The following TENM4 variants were observed in gnomAD, a reference collection of about 807,000 sequenced individuals.
The protein encoded by TENM4 is teneurin-4.
A neutral mutation model predicts 243.3 loss-of-function variants in TENM4; 82 were observed. The observed-to-expected ratio is 0.34, with a 90% CI of 0.28 to 0.40. TENM4 has a LOEUF of 0.40. TENM4 is among the 10% of genes least tolerant of loss of function. The pLI is 1.00. For missense variants in TENM4, 3,138 were observed against 3,673.3 expected, an observed-to-expected ratio of 0.85 and a Z score of 3.77; for synonymous variants, 1,412 against 1,456.3, an observed-to-expected ratio of 0.97 and a Z score of 0.69.
chr11:79,060,161 G>C (rs1189982138), intron 6 of TENM4, among the ~76,000 whole-genome samples: 1 of 152,192 alleles, frequency 6.6e-6, no homozygotes, highest in Non-Finnish European at 1.5e-5. Flanking sequence ...ATTGCATGCC[G>C]ACTGTTCCTG....
At chr11:78,871,785 C>T (rs1433463257) in intron 9 of TENM4, among the ~76,000 whole-genome samples, 4 of 152,162 alleles carry the variant, frequency 2.6e-5, no homozygotes. Flanking sequence ...AAGCAGCCCT[C>T]CCTTTAGGGC....
intron 6 of TENM4, among the ~76,000 whole-genome samples, chr11:78,936,873 T>C (rs1856797502): frequency 6.6e-6 from 1 of 152,038 alleles, no homozygotes; most frequent in African/African-American, 2.4e-5. Context: ...AGCACATAGG[T>C]CAAAATCAAG....
At chr11:78,818,107 G>C in intron 12 of TENM4, among the ~76,000 whole-genome samples, 1 of 151,966 alleles carries the variant, frequency 6.6e-6, no homozygotes, top group South Asian at 2.1e-4. Context: ...ATAAATATTT[G>C]TTTCTACTCC....
At chr11:78,751,502 T>C (rs766493792) in intron 19 of TENM4, among the ~76,000 whole-genome samples, 11 of 152,116 alleles carry the variant, frequency 7.2e-5, no homozygotes, top group Non-Finnish European at 1.5e-4. Flanking sequence ...CAAATAATGA[T>C]TCAACAATCT....
chr11:78,672,274 T>C lies in TENM4; in HGVS notation c.5552A>G (p.Lys1851Arg). 6.2e-7 allele frequency: 1 copy of C among 1,614,006 alleles called. No individual in the cohort carries two copies. The highest frequency in any genetic ancestry group is 2.2e-5 in the East Asian group (1 of 44,880). Reference protein sequence around the residue: ...LDFDRVTRTEKIYDDHRKFTL... With the variant: ...LDFDRVTRTERIYDDHRKFTL... Reference sequence around the variant, plus strand: ...GAACTTGCGGTGGTCATCATAGATCTTCTCTGTGCGTGTTACGCGATCAAA... The same window carrying C: ...GAACTTGCGGTGGTCATCATAGATCCTCTCTGTGCGTGTTACGCGATCAAA... Residue 1851 changes from lysine to arginine, a missense_variant, in exon 31 of 34, where the codon AAG (lysine) becomes AGG (arginine). Physicochemically the swap from Lys to Arg is conservative, Grantham distance 26. This residue lies in a region of TENM4 where 2,467 missense variants were observed against 3,059.1 expected (regional missense o/e 0.81). Coordinates refer to ENST00000278550, the MANE Select transcript of TENM4 (RefSeq NM_001098816.3).
chr11:79,310,259 G>C (rs11606832), intron 1 of TENM4, among the ~76,000 whole-genome samples: 7,141 of 152,278 alleles, frequency 0.047, 260 homozygotes, highest in Non-Finnish European at 0.065. Context: ...TGCAAGCAAA[G>C]ACTGCCATGG....
chr11:78,910,934 G>A (rs1222809120), intron 6 of TENM4, among the ~76,000 whole-genome samples: 1 of 152,176 alleles, frequency 6.6e-6, no homozygotes, highest in Non-Finnish European at 1.5e-5. Context: ...CAGACTGTGG[G>A]GCTTCCCTGG....
intron 2 of TENM4, among the ~76,000 whole-genome samples, chr11:79,227,949 C>T (rs1357691284): frequency 6.6e-6 from 1 of 152,150 alleles, no homozygotes. Context: ...TAGAGGGTAG[C>T]ATTGTCCTTC....
intron 6 of TENM4, among the ~76,000 whole-genome samples, chr11:78,978,152 A>G (rs1268227293): frequency 6.6e-6 from 1 of 151,430 alleles, no homozygotes; most frequent in Non-Finnish European, 1.5e-5. Flanking sequence ...GGGTTGAACA[A>G]TGAGAACACA....
chr11:79,118,587 C>T (rs946436302), intron 4 of TENM4, among the ~76,000 whole-genome samples: 1 of 152,278 alleles, frequency 6.6e-6, no homozygotes, highest in Admixed American at 6.5e-5. Flanking sequence ...TGGCAACCAC[C>T]CTTCTACTTT....
intron 4 of TENM4, among the ~76,000 whole-genome samples, chr11:79,098,701 C>T (rs1234070894): frequency 6.6e-6 from 1 of 152,222 alleles, no homozygotes; most frequent in Non-Finnish European, 1.5e-5. Context: ...CCATACTGGG[C>T]AAGCGATGGG....
intron 1 of TENM4, among the ~76,000 whole-genome samples, chr11:79,364,366 C>T (rs1286194057): frequency 6.6e-6 from 1 of 152,156 alleles, no homozygotes; most frequent in East Asian, 1.9e-4. Context: ...TCTGTAGTCT[C>T]TCTCTCCTCT....
chr11:79,023,587 C>T (rs1427458563), intron 6 of TENM4, among the ~76,000 whole-genome samples: 1 of 151,094 alleles, frequency 6.6e-6, no homozygotes, highest in African/African-American at 2.4e-5. Flanking sequence ...ATCATGATGA[C>T]TCTTTCTACA....
At chr11:79,114,932 T>C (rs1487366185) in intron 4 of TENM4, among the ~76,000 whole-genome samples, 1 of 152,116 alleles carries the variant, frequency 6.6e-6, no homozygotes, top group Non-Finnish European at 1.5e-5. Context: ...TTAGCACATG[T>C]TTATTAAGCA....
chr11:78,793,659 C>T (rs751208190), intron 15 of TENM4, among the ~76,000 whole-genome samples: 2 of 152,172 alleles, frequency 1.3e-5, no homozygotes, highest in African/African-American at 2.4e-5. Flanking sequence ...AATGAAGTAC[C>T]TTCAATGTTC....
intron 2 of TENM4, among the ~76,000 whole-genome samples, chr11:79,265,567 C>A (rs1158013330): frequency 6.6e-6 from 1 of 152,096 alleles, no homozygotes; most frequent in Non-Finnish European, 1.5e-5. Context: ...TTTTTAAATG[C>A]AACTACTAGA....
rs558131811 is a variant in TENM4 at position 78,738,442 on chromosome 11, G to A, written c.2876+9C>T. 4.3e-6 allele frequency: 7 copies of A among 1,612,670 alleles called. No individual in the cohort carries two copies. Among genetic ancestry groups the A allele is most frequent in the East Asian group, 4.5e-5 (2 of 44,828 alleles). ...CTTCACTGTTTCTGGCTCATAGAAG[G>A]TCTCCTACCTGCCATCTTGCCTGCT... On this transcript the variant is annotated intron_variant, in intron 20 of 33. Transcript: ENST00000278550.
At chr11:79,348,217 T>C (rs981374024) in intron 1 of TENM4, among the ~76,000 whole-genome samples, 1 of 152,240 alleles carries the variant, frequency 6.6e-6, no homozygotes, top group Admixed American at 6.5e-5. Context: ...TAATAGACAC[T>C]GATTGAATAT....
chr11:78,820,695 C>T (rs1229519166), intron 12 of TENM4, among the ~76,000 whole-genome samples: 1 of 152,188 alleles, frequency 6.6e-6, no homozygotes, highest in African/African-American at 2.4e-5. Flanking sequence ...CCCACAGACA[C>T]ATAGGCACAC....
Sources: allele counts gnomAD v4.1 joint callset (sites outside exome capture counted in the v4.1 genomes callset), GRCh38; gene constraint gnomAD v4.1.1; regional missense constraint gnomAD v4.1.1; transcripts MANE v1.5; gene names NCBI Gene and HGNC (gene_info 2026-07-23, HGNC 2026-07-21).